The following MUC17 variants were observed in gnomAD, a reference collection of about 807,000 sequenced individuals.
The protein encoded by MUC17 is mucin-17.
A neutral mutation model predicts 170.3 loss-of-function variants in MUC17; 190 were observed. That is an observed-to-expected ratio of 1.12 (90% CI 0.99 to 1.26). MUC17 has a LOEUF of 1.26. Among genes scored for constraint, MUC17 ranks in the 50% most tolerant of loss-of-function variants. The pLI, the probability that MUC17 is intolerant of heterozygous loss-of-function variation, is 0.00. For synonymous variants in MUC17, 2,325 were observed against 2,002.5 expected (o/e 1.16, Z -4.30); for missense variants, 6,415 against 5,530.0 (o/e 1.16, Z -5.08).
intron 3 of MUC17, among the ~76,000 whole-genome samples, chr7:101,046,914 T>C (rs1794852171): frequency 6.6e-6 from 1 of 151,314 alleles, no homozygotes; most frequent in African/African-American, 2.4e-5. Context: ...ATCGTCTCTA[T>C]TAAAAATACA....
At position 101,042,694 on chromosome 7, in the gene MUC17, G is replaced by T. The variant is rs1225578582; in HGVS notation, c.11278G>T (p.Val3760Phe). Reference protein sequence around the residue: ...EISTLGTTILVSTTPVTRFPE... With the variant: ...EISTLGTTILFSTTPVTRFPE... ...AAGCACCCTTGGGACCACTATTCTTGTCAGTACCACACCTGTTACGAGGTT... is the reference window on the plus strand; with the variant it reads ...AAGCACCCTTGGGACCACTATTCTTTTCAGTACCACACCTGTTACGAGGTT... Residue 3760 changes from valine to phenylalanine, a missense_variant, in exon 3 of 13, where the codon GTC (valine) becomes TTC (phenylalanine). Coordinates refer to ENST00000306151, the MANE Select transcript of MUC17 (RefSeq NM_001040105.2). The T allele has an allele frequency of 6.2e-7, 1 of 1,613,754 alleles. No homozygotes were observed. Among genetic ancestry groups the T allele is most frequent in the South Asian group, 1.1e-5 (1 of 91,074 alleles).
chr7:101,035,377 C>A lies in MUC17; in HGVS notation c.3961C>A (p.Pro1321Thr), dbSNP rs148799886. ...TSNEVSSSPT[P>T]AEGTSMPTST... ...TAATGAAGTCAGTTCATCTCCTACA[C>A]CTGCTGAAGGTACCAGCATGCCAAC... The change falls in exon 3 of 13, where the codon CCT (proline) becomes ACT (threonine). Residue 1321 changes from proline (P) to threonine (T), a missense_variant. By Grantham distance (38) the Pro-to-Thr change is conservative. Coordinates refer to ENST00000306151, the MANE Select transcript of MUC17 (RefSeq NM_001040105.2). 1.8e-4 allele frequency: 285 copies of A among 1,606,186 alleles called. No individual in the cohort carries two copies. In the African/African-American group the frequency reaches 3.6e-3, roughly 20 times the overall value.
At chr7:101,049,531 C>G in intron 6 of MUC17, 149 bp downstream of exon 6, 1 of 1,123,396 alleles carries the variant, frequency 8.9e-7, no homozygotes, top group Non-Finnish European at 1.2e-6. Flanking sequence ...CAACAGAAAT[C>G]TATTTCTCCC....
chr7:101,033,343 A>T lies in MUC17; in HGVS notation c.1927A>T (p.Ser643Cys). 1 of 1,613,884 alleles carries T rather than the reference A, an allele frequency of 6.2e-7. No homozygotes were observed. The highest frequency in any genetic ancestry group is 8.5e-7 in the Non-Finnish European group (1 of 1,179,792). The change falls in exon 3 of 13, where the codon AGT (serine) becomes TGT (cysteine). Residue 643 changes from serine to cysteine, a missense_variant. Coordinates refer to ENST00000306151, the MANE Select transcript of MUC17 (RefSeq NM_001040105.2). ...GTCTGTCAGCACCACACTGGTGGCC[A>T]GTTCTGAGGCTAGCACCCTTTCAAC... ...SMSVSTTLVA[S>C]SEASTLSTTP...
At position 101,035,714 on chromosome 7, in the gene MUC17, C is replaced by T. The variant is rs772805651; in HGVS notation, c.4298C>T (p.Ala1433Val). The T allele has an allele frequency of 6.2e-7, 1 of 1,608,668 alleles. No individual in the cohort carries two copies. The highest frequency in any genetic ancestry group is 1.7e-5 in the Admixed American group (1 of 59,746). ...ACCCCTGGGACCACTTCTGCTGAAGCCACTTCATCTCCTACAACTGCTGAA... is the reference window on the plus strand; with the variant it reads ...ACCCCTGGGACCACTTCTGCTGAAGTCACTTCATCTCCTACAACTGCTGAA... ...TSTPGTTSAE[A>V]TSSPTTAEGI... The change falls in exon 3 of 13, where the codon GCC (alanine) becomes GTC (valine). Residue 1433 changes from alanine to valine, a missense_variant. Coordinates refer to ENST00000306151, the MANE Select transcript of MUC17 (RefSeq NM_001040105.2).
chr7:101,056,989 G>A (rs1226029333), intron 12 of MUC17, among the ~76,000 whole-genome samples: 1 of 151,902 alleles, frequency 6.6e-6, no homozygotes, highest in Non-Finnish European at 1.5e-5. Flanking sequence ...CTTGAAAAAT[G>A]TCTCACACTC....
chr7:101,049,004 C>A (rs1364908942), intron 5 of MUC17, 32 bp downstream of exon 5: 2 of 1,613,790 alleles, frequency 1.2e-6, no homozygotes, highest in African/African-American at 2.7e-5. Context: ...CCCATAGCTA[C>A]TCAGTTCCCC....
At chr7:101,030,328 T>C (rs1475352151) in intron 1 of MUC17, among the ~76,000 whole-genome samples, 1 of 150,412 alleles carries the variant, frequency 6.6e-6, no homozygotes, top group Non-Finnish European at 1.5e-5. Flanking sequence ...ATTCAAGCAA[T>C]TCTCCTGCCT....
At position 101,035,922 on chromosome 7, in the gene MUC17, CA is replaced by C. The variant is rs1794462214; in HGVS notation, c.4507del (p.Ser1503AlafsTer2). 6.2e-7 allele frequency: 1 copy of C among 1,612,864 alleles called. No individual in the cohort carries two copies. The highest frequency in any genetic ancestry group is 1.1e-5 in the South Asian group (1 of 90,952). On this transcript the variant is annotated frameshift_variant, in exon 3 of 13. Coordinates refer to ENST00000306151, the MANE Select transcript of MUC17 (RefSeq NM_001040105.2). LOFTEE classifies it high-confidence loss of function. ...CATCTCCTACACCTGCTGAAGGTAC[CA>C]GCATAGCAATCTCAACGCCTAGTGA... ...SSSPTPAEGT[S>X]IAISTPSEGS...
chr7:101,039,856 A>C lies in MUC17; in HGVS notation c.8440A>C (p.Ser2814Arg), dbSNP rs768292780. 1.2e-6 allele frequency: 2 copies of C among 1,612,040 alleles called. No homozygotes were observed. The highest frequency in any genetic ancestry group is 2.2e-5 in the South Asian group (2 of 90,982). The stretch of plus-strand genomic sequence containing the variant: ...TAGTGAAACAAGTACTCCATTAACT[A>C]GTATGCCTGTCAACCACACGCCAGT... ...TPSETSTPLT[S>R]MPVNHTPVAS... is the part of the protein sequence containing the mutation. Residue 2814 changes from serine to arginine, a missense_variant, in exon 3 of 13, where the codon AGT (serine) becomes CGT (arginine). Transcript: ENST00000306151.
chr7:101,038,036 G>C lies in MUC17; in HGVS notation c.6620G>C (p.Gly2207Ala), dbSNP rs201412788. 1 of 1,593,350 alleles carries C rather than the reference G, an allele frequency of 6.3e-7. No homozygotes were observed. ...CGTTCATCTCCTACAACTTCTGAAGGTACCAGCATGCCAACCTCAACTCCT... is the reference window on the plus strand; with the variant it reads ...CGTTCATCTCCTACAACTTCTGAAGCTACCAGCATGCCAACCTCAACTCCT... Reference protein sequence around the residue: ...EARSSPTTSEGTSMPTSTPSE... With the variant: ...EARSSPTTSEATSMPTSTPSE... The change falls in exon 3 of 13, where the codon GGT becomes GCT. Residue 2207 changes from glycine (G) to alanine (A), a missense_variant. Gly to Ala is a moderately conservative substitution (Grantham distance 60, BLOSUM62 0). Coordinates refer to ENST00000306151, the MANE Select transcript of MUC17 (RefSeq NM_001040105.2).
chr7:101,037,993 A>T lies in MUC17; in HGVS notation c.6577A>T (p.Thr2193Ser). The T allele has an allele frequency of 6.2e-7, 1 of 1,608,264 alleles. No individual in the cohort carries two copies. Among genetic ancestry groups the T allele is most frequent in the Non-Finnish European group, 8.5e-7 (1 of 1,176,858 alleles). Reference sequence around the variant, plus strand: ...TCCTGTTGACACCAGCACACCTGTGACCAATTCTACTGAAGCCCGTTCATC... The same window carrying T: ...TCCTGTTGACACCAGCACACCTGTGTCCAATTCTACTGAAGCCCGTTCATC... ...TTPVDTSTPV[T>S]NSTEARSSPT... is the part of the protein sequence containing the mutation. The change falls in exon 3 of 13, where the codon ACC becomes TCC. Residue 2193 changes from threonine (T) to serine (S), a missense_variant. Thr to Ser is a moderately conservative substitution (Grantham distance 58, BLOSUM62 1). Coordinates refer to ENST00000306151, the MANE Select transcript of MUC17 (RefSeq NM_001040105.2).
chr7:101,045,534 C>T (rs760683973), intron 3 of MUC17, among the ~76,000 whole-genome samples: 1 of 152,094 alleles, frequency 6.6e-6, no homozygotes, highest in Non-Finnish European at 1.5e-5. Flanking sequence ...GCTGGGATTA[C>T]AGAGCACACC....
In MUC17 at chr7:101,036,677, T is replaced by A; in HGVS notation, c.5261T>A (p.Ile1754Lys). Residue 1754 changes from isoleucine to lysine, a missense_variant, in exon 3 of 13, where the codon ATA becomes AAA. By Grantham distance (102) the Ile-to-Lys change is moderately radical. Transcript: ENST00000306151. ...PSEGTTPLTS[I>K]PVSTTPVLSS... is the part of the protein sequence containing the mutation. Reference sequence around the variant, plus strand: ...GAAGGAACCACTCCATTAACAAGTATACCTGTCAGCACCACGCCGGTACTC... The same window carrying A: ...GAAGGAACCACTCCATTAACAAGTAAACCTGTCAGCACCACGCCGGTACTC... The A allele has an allele frequency of 6.2e-7, 1 of 1,613,086 alleles. No homozygotes were observed. The highest frequency in any genetic ancestry group is 8.5e-7 in the Non-Finnish European group (1 of 1,179,726).
At chr7:101,051,279 C>T (rs192098367) in intron 7 of MUC17, among the ~76,000 whole-genome samples, 1 of 143,556 alleles carries the variant, frequency 7.0e-6, no homozygotes, top group Admixed American at 7.3e-5. Flanking sequence ...GCAGGAGAAT[C>T]GCTTGAAACC....
chr7:101,055,064 C>A (rs1795022779), intron 11 of MUC17, among the ~76,000 whole-genome samples: 1 of 151,818 alleles, frequency 6.6e-6, no homozygotes, highest in South Asian at 2.1e-4. Context: ...GCTGAAATCG[C>A]ACCACTACAC....
At chr7:101,020,362 C>G (rs1188485861) in intron 1 of MUC17, 145 bp downstream of exon 1, 4 of 536,146 alleles carry the variant, frequency 7.5e-6, no homozygotes, top group East Asian at 3.4e-5. Flanking sequence ...GTGCCTACCC[C>G]CTGGACTTCT....
rs1169290630 is a variant in MUC17, at chr7:101,032,528, C to A, written c.1112C>A (p.Pro371His). ...ACACTTGTGACCACTTCTACTGAAC[C>A]CAGTTCACTTCCTACAACTGCTGAA... ...TSTLVTTSTE[P>H]SSLPTTAEAT... is the part of the protein sequence containing the mutation. The change falls in exon 3 of 13, where the codon CCC (proline) becomes CAC (histidine). Residue 371 changes from proline (P) to histidine (H), a missense_variant. Transcript: ENST00000306151. 1 of 1,614,184 alleles carries A rather than the reference C, an allele frequency of 6.2e-7. No individual in the cohort carries two copies. The highest frequency in any genetic ancestry group is 1.7e-5 in the Admixed American group (1 of 60,022).
chr7:101,046,364 A>G (rs1270183699), intron 3 of MUC17, among the ~76,000 whole-genome samples: 2 of 152,204 alleles, frequency 1.3e-5, no homozygotes, highest in Admixed American at 6.5e-5. Context: ...AAGAAAAGCC[A>G]AAGAAAACAG....
Sources: allele counts gnomAD v4.1 joint callset (sites outside exome capture counted in the v4.1 genomes callset), GRCh38; gene constraint gnomAD v4.1.1; transcripts MANE v1.5; gene names NCBI Gene and HGNC (gene_info 2026-07-23, HGNC 2026-07-21).